Variants in SLCO4A1 observed in about 807,000 individuals in gnomAD.
The protein encoded by SLCO4A1 is colon organic anion transporter.
In SLCO4A1, 51 loss-of-function variants were observed where a neutral mutation model predicts 64.6. The observed-to-expected ratio is 0.79, with a 90% CI of 0.63 to 1.00. The LOEUF is 1.00. Among genes scored for constraint, SLCO4A1 ranks in the 50% least tolerant of loss-of-function variants. SLCO4A1 has a pLI of 0.00. For synonymous variants in SLCO4A1, 471 were observed against 444.9 expected (o/e 1.06, Z -0.74); for missense variants, 919 against 980.5 (o/e 0.94, Z 0.84).
chr20:62,656,505 C>T lies in SLCO4A1; in HGVS notation c.51C>T (p.Asn17=). The change falls in exon 2 of 12, where the codon AAC becomes AAT. Residue 17 remains asparagine, a synonymous_variant. Coordinates refer to ENST00000217159, the MANE Select transcript of SLCO4A1 (RefSeq NM_016354.4). ...GDKPLTFPSP[N]SAMENGLDHT... ...AGCCGCTCACCTTCCCCAGCCCCAA[C>T]TCAGCCATGGAAAACGGGCTTGACC... The T allele has an allele frequency of 6.4e-7, 1 of 1,552,230 alleles. No homozygotes were observed. The highest frequency in any genetic ancestry group is 8.7e-7 in the Non-Finnish European group (1 of 1,149,932).
chr20:62,648,509 A>G (rs991860681), intron 1 of SLCO4A1, among the ~76,000 whole-genome samples: 3 of 152,122 alleles, frequency 2.0e-5, no homozygotes, highest in African/African-American at 4.8e-5. Flanking sequence ...TGCCGGCTGC[A>G]TGGGAGCCGT....
chr20:62,643,674 GT>G (rs1291761751), intron 1 of SLCO4A1, among the ~76,000 whole-genome samples: 1 of 152,256 alleles, frequency 6.6e-6, no homozygotes, highest in Non-Finnish European at 1.5e-5. Context: ...GCAGAGCCCG[GT>G]GTCAGCGACG....
chr20:62,667,363 AC>A (rs2147100789), intron 7 of SLCO4A1: 1 of 214,918 alleles, frequency 4.7e-6, no homozygotes, highest in African/African-American at 2.3e-5. Flanking sequence ...TGGCTGGAGA[AC>A]CGAGGACTGG....
In SLCO4A1 at chr20:62,642,523, G is replaced by C. The variant is rs979363158; in HGVS notation, c.-127G>C. ...AGGCCAGAGCGTGGAGCGCTGCGCG[G>C]CGCGGCGGCCGGGCCCTCGAGACGG... is the stretch of plus-strand genomic sequence containing the variant. On this transcript the variant is annotated 5_prime_UTR_variant, in exon 1 of 12. Transcript: ENST00000217159. 1.7e-4 allele frequency: 36 copies of C among 208,004 alleles called. No individual in the cohort carries two copies. In the East Asian group the frequency reaches 6.6e-3, roughly 38 times the overall value. 12.9% of individuals were successfully genotyped at this position (208,004 alleles called of 1,614,324 possible).
chr20:62,642,954 A>C, intron 1 of SLCO4A1: 1 of 467,216 alleles, frequency 2.1e-6, no homozygotes, highest in South Asian at 1.6e-5. Flanking sequence ...CGCAGGCCCC[A>C]CAGATCCAGC....
chr20:62,684,729 GA>G (rs1214953358), intron 2 of SLCO4A1, among the ~76,000 whole-genome samples: 3 of 151,878 alleles, frequency 2.0e-5, no homozygotes, highest in Non-Finnish European at 4.4e-5. Context: ...CACTGCCCTG[GA>G]CACACTCATT....
intron 2 of SLCO4A1, among the ~76,000 whole-genome samples, chr20:62,684,569 G>C (rs942158172): frequency 2.0e-5 from 3 of 152,122 alleles, no homozygotes; most frequent in Non-Finnish European, 4.4e-5. Flanking sequence ...GCACAGGGCC[G>C]GCCACCCTGG....
chr20:62,650,501 G>T (rs1055468191), intron 1 of SLCO4A1: 1 of 152,226 alleles, frequency 6.6e-6, no homozygotes, highest in Non-Finnish European at 1.5e-5. Context: ...GCCTTAACGC[G>T]GACCAGACAT....
At chr20:62,643,588 C>T (rs1163350428) in intron 1 of SLCO4A1, among the ~76,000 whole-genome samples, 1 of 152,260 alleles carries the variant, frequency 6.6e-6, no homozygotes. Context: ...ATCCATGCAA[C>T]CAGCTTGTCA....
downstream of SLCO4A1, among the ~76,000 whole-genome samples, chr20:62,686,316 C>A (rs562764445): frequency 3.3e-5 from 5 of 152,350 alleles, no homozygotes; most frequent in South Asian, 2.1e-4. Flanking sequence ...GTGACAGGCA[C>A]TTCCCTGTTT....
chr20:62,656,235 C>G (rs1453756807), intron 1 of SLCO4A1, 124 bp from the exon 2 acceptor site: 1 of 531,658 alleles, frequency 1.9e-6, no homozygotes, highest in African/African-American at 1.9e-5. Flanking sequence ...ATTTGGGAGG[C>G]TCTTGAGACA....
chr20:62,656,205 C>A (rs149634289), intron 1 of SLCO4A1, among the ~76,000 whole-genome samples, 154 bp from the exon 2 acceptor site: 65 of 152,364 alleles, frequency 4.3e-4, no homozygotes, highest in Non-Finnish European at 7.1e-4. Flanking sequence ...GGGTGTGGGC[C>A]TGGCCAGACG....
chr20:62,662,825 A>G (rs1985273732), intron 5 of SLCO4A1, among the ~76,000 whole-genome samples: 1 of 91,458 alleles, frequency 1.1e-5, no homozygotes, highest in African/African-American at 4.4e-5. Flanking sequence ...CAGGGTGCCC[A>G]CCCCAGCCCC....
rs1165760462 is a variant in SLCO4A1 at position 62,685,289 on chromosome 20, C to T, written n.212-152C>T. On this transcript the variant is annotated intron_variant and non_coding_transcript_variant, in intron 2 of 2. Transcript: ENST00000466818. This position sits in a 1 kb window ranked among gnomAD's most constrained non-coding sequence, Gnocchi z 4.6. ...GAGTGGGGGCTGGGTCGGGGCTGGG[C>T]CCTGGCTGCCCTGGCTGCCCCCCGA... Among the ~76,000 whole-genome samples, 1 of 151,664 alleles carries T rather than the reference C, an allele frequency of 6.6e-6. No homozygotes were observed. Among genetic ancestry groups the T allele is most frequent in the African/African-American group, 2.4e-5 (1 of 41,278 alleles).
chr20:62,684,479 C>T (rs556962218), intron 2 of SLCO4A1, among the ~76,000 whole-genome samples: 4 of 152,344 alleles, frequency 2.6e-5, no homozygotes, highest in East Asian at 3.9e-4. Context: ...TGGGAGCCTC[C>T]GGTCTCCCCA....
rs1312953945 is a variant in SLCO4A1, at chr20:62,658,690, A to G, written c.810A>G (p.Thr270=). 3.7e-6 allele frequency: 6 copies of G among 1,611,202 alleles called. No individual in the cohort carries two copies. Among genetic ancestry groups the G allele is most frequent in the East Asian group, 2.2e-5 (1 of 44,810 alleles). Residue 270 remains threonine, a synonymous_variant, in exon 3 of 12, where the codon ACA becomes ACG. Coordinates refer to ENST00000217159, the MANE Select transcript of SLCO4A1 (RefSeq NM_016354.4). ...CCTCTCTCGCAGCCATCTTCTACACAGCGGCCATCCTGGGCCCAGCTGCCG... is the reference window on the plus strand; with the variant it reads ...CCTCTCTCGCAGCCATCTTCTACACGGCGGCCATCCTGGGCCCAGCTGCCG... ...CSPVYIAIFY[T]AAILGPAAGY... is the part of the protein sequence containing the mutation.
At chr20:62,657,630 A>T (rs1474540672) in intron 2 of SLCO4A1, among the ~76,000 whole-genome samples, 1 of 152,200 alleles carries the variant, frequency 6.6e-6, no homozygotes, top group Non-Finnish European at 1.5e-5. Context: ...TTGCCTGGGA[A>T]GGAGTTTGAT....
chr20:62,671,852 CCT>C lies in SLCO4A1; in HGVS notation c.2129_2130del (p.Pro710ArgfsTer6). ...ETCLPSQSSA[P>X]DSATDSQLQS... ...TTGTCTGCCCAGCCAGTCCTCAGCCCCTGACAGTGCCACAGATAGCCAGCTCC... is the reference window on the plus strand; with the variant it reads ...TTGTCTGCCCAGCCAGTCCTCAGCCCGACAGTGCCACAGATAGCCAGCTCC... On this transcript the variant is annotated frameshift_variant, in exon 12 of 12. Coordinates refer to ENST00000217159, the MANE Select transcript of SLCO4A1 (RefSeq NM_016354.4). LOFTEE classifies it low-confidence loss of function (END_TRUNC). 9 of 1,613,418 alleles carry C rather than the reference CCT, an allele frequency of 5.6e-6. No homozygotes were observed. Among genetic ancestry groups the C allele is most frequent in the South Asian group, 2.2e-5 (2 of 91,088 alleles).
Position 62,667,920 on chromosome 20 carries a change from G to T in SLCO4A1, c.1638+10G>T. On this transcript the variant is annotated intron_variant, in intron 8 of 11. Coordinates refer to ENST00000217159, the MANE Select transcript of SLCO4A1 (RefSeq NM_016354.4). Reference sequence around the variant, plus strand: ...TGTGGACGGCCAGAAGGTGAGTGGAGCCGCTGCCTACCGCCCCTGTCCTCC... The same window carrying T: ...TGTGGACGGCCAGAAGGTGAGTGGATCCGCTGCCTACCGCCCCTGTCCTCC... 6.2e-6 allele frequency: 10 copies of T among 1,614,004 alleles called. No homozygotes were observed. The highest frequency in any genetic ancestry group is 8.5e-6 in the Non-Finnish European group (10 of 1,180,030).
Sources: allele counts gnomAD v4.1 joint callset (sites outside exome capture counted in the v4.1 genomes callset), GRCh38; gene constraint gnomAD v4.1.1; non-coding constraint Gnocchi (gnomAD v3.1); transcripts MANE v1.5; gene names NCBI Gene and HGNC (gene_info 2026-07-23, HGNC 2026-07-21).